CACNG3: variants seen among roughly 807,000 people sequenced by gnomAD.
CACNG3 encodes voltage-dependent calcium channel gamma-3 subunit.
Under a neutral mutation model 28.5 loss-of-function variants are expected in CACNG3, and 3 were observed. The ratio of observed to expected loss-of-function variants is 0.11; its 90% CI spans 0.05 to 0.27. The LOEUF (loss-of-function observed/expected upper bound fraction) is 0.27. Ranked by LOEUF, CACNG3 falls within the 10% of genes least tolerant of loss-of-function variation. The pLI is 1.00. For missense variants in CACNG3, 236 were observed against 414.4 expected (o/e 0.57, Z 3.74); for synonymous variants, 174 against 162.2 (o/e 1.07, Z -0.55).
intron 1 of CACNG3, among the ~76,000 whole-genome samples, chr16:24,341,327 T>C (rs1899784426): frequency 1.3e-5 from 2 of 152,226 alleles, no homozygotes; most frequent in Admixed American, 6.5e-5. Context: ...TGTGGAGTCT[T>C]CCTTGGGGAA....
intron 2 of CACNG3, among the ~76,000 whole-genome samples, chr16:24,351,504 G>T (rs1348690018): frequency 6.6e-6 from 1 of 151,176 alleles, no homozygotes; most frequent in Non-Finnish European, 1.5e-5. Flanking sequence ...CTCGGGTGGT[G>T]GAGGTTGCAG....
chr16:24,279,880 T>G (rs1898801139), intron 1 of CACNG3, among the ~76,000 whole-genome samples: 1 of 152,188 alleles, frequency 6.6e-6, no homozygotes, highest in Admixed American at 6.5e-5. Context: ...TTAAAAGTGT[T>G]GAGTTTGCAG....
At chr16:24,323,716 C>T (rs1235812473) in intron 1 of CACNG3, among the ~76,000 whole-genome samples, 4 of 152,168 alleles carry the variant, frequency 2.6e-5, no homozygotes, top group Non-Finnish European at 4.4e-5. Context: ...CCTGGAAGGG[C>T]AGAGGGAAGA....
At chr16:24,303,853 G>A (rs939360887) in intron 1 of CACNG3, among the ~76,000 whole-genome samples, 1 of 152,074 alleles carries the variant, frequency 6.6e-6, no homozygotes, top group Non-Finnish European at 1.5e-5. Context: ...GGGAGGCAGA[G>A]GTTGCAGTGA....
chr16:24,317,624 A>C (rs184244432), intron 1 of CACNG3, among the ~76,000 whole-genome samples: 2,458 of 56,280 alleles, frequency 0.044, 135 homozygotes, highest in South Asian at 0.12. Context: ...GAAAGAAAGA[A>C]AGACAGACAG....
At chr16:24,312,760 G>A (rs1213953737) in intron 1 of CACNG3, among the ~76,000 whole-genome samples, 1 of 151,768 alleles carries the variant, frequency 6.6e-6, no homozygotes, top group Non-Finnish European at 1.5e-5. Context: ...CAAGGCTGCA[G>A]TGAGCTATGA....
At chr16:24,287,269 G>A (rs1898906684) in intron 1 of CACNG3, among the ~76,000 whole-genome samples, 1 of 152,166 alleles carries the variant, frequency 6.6e-6, no homozygotes, top group Non-Finnish European at 1.5e-5. Context: ...TGTGATCCAA[G>A]CACTTTGGGA....
chr16:24,345,593 G>A (rs997028474), intron 1 of CACNG3, among the ~76,000 whole-genome samples: 4 of 152,166 alleles, frequency 2.6e-5, no homozygotes, highest in Non-Finnish European at 4.4e-5. Flanking sequence ...CCAGTTACTC[G>A]GGAGGCTGAG....
At chr16:24,257,946 T>C (rs1406770778) in intron 1 of CACNG3, among the ~76,000 whole-genome samples, 1 of 152,264 alleles carries the variant, frequency 6.6e-6, no homozygotes, top group African/African-American at 2.4e-5. Flanking sequence ...AATAGAAAGA[T>C]AAGGAAGAAA....
At chr16:24,346,635 C>A in intron 1 of CACNG3, 99 bp from the exon 2 acceptor site, 2 of 798,006 alleles carry the variant, frequency 2.5e-6, no homozygotes, top group Non-Finnish European at 2.1e-6. Flanking sequence ...CAGCCCCCAA[C>A]AACCAGAGAA....
intron 1 of CACNG3, among the ~76,000 whole-genome samples, chr16:24,267,326 T>C (rs1219475846): frequency 6.6e-6 from 1 of 152,088 alleles, no homozygotes; most frequent in Non-Finnish European, 1.5e-5. Flanking sequence ...CTTGCTCTAT[T>C]GCCCAGGCTG....
intron 1 of CACNG3, among the ~76,000 whole-genome samples, chr16:24,290,123 T>C (rs1297573886): frequency 6.6e-6 from 1 of 152,242 alleles, no homozygotes; most frequent in Admixed American, 6.5e-5. Context: ...CTAATTAACA[T>C]TTTGAATCAA....
intron 2 of CACNG3, among the ~76,000 whole-genome samples, chr16:24,347,444 T>C (rs1421385405): frequency 6.6e-6 from 1 of 152,180 alleles, no homozygotes; most frequent in East Asian, 1.9e-4. Context: ...TGAAAGGTTC[T>C]TTTTAGTCAG....
chr16:24,312,655 A>AT (rs766905115), intron 1 of CACNG3, among the ~76,000 whole-genome samples: 46 of 151,624 alleles, frequency 3.0e-4, no homozygotes, highest in Non-Finnish European at 5.3e-4. Flanking sequence ...GTCTCTTAAA[A>AT]ATTTTTTTTT....
At chr16:24,289,392 G>T (rs916337961) in intron 1 of CACNG3, among the ~76,000 whole-genome samples, 2 of 151,972 alleles carry the variant, frequency 1.3e-5, no homozygotes, top group Non-Finnish European at 2.9e-5. Context: ...TCTAAAAAAA[G>T]CACCTTAGCA....
In CACNG3 at chr16:24,361,300, A is replaced by T; in HGVS notation, c.437-52A>T. 1 of 1,313,180 alleles carries T rather than the reference A, an allele frequency of 7.6e-7. No individual in the cohort carries two copies. The highest frequency in any genetic ancestry group is 2.3e-5 in the East Asian group (1 of 42,986). 81.3% of individuals were successfully genotyped at this position (1,313,180 alleles called of 1,614,324 possible). A position where few individuals can be genotyped will look rare whatever the true frequency, so the allele number is the denominator to read the frequency against. On this transcript the variant is annotated intron_variant, in intron 3 of 3. Coordinates refer to ENST00000005284, the MANE Select transcript of CACNG3 (RefSeq NM_006539.4). The surrounding 1 kb of genome is among the most constrained non-coding windows in gnomAD (Gnocchi z 6.8). ...TAAATATTTTAAGATGGAAAGTGAC[A>T]GTTCTCTCCGAGGTGTATAAAGGAC...
chr16:24,331,337 C>G (rs1721768383), intron 1 of CACNG3, among the ~76,000 whole-genome samples: 1 of 152,184 alleles, frequency 6.6e-6, no homozygotes, highest in African/African-American at 2.4e-5. Flanking sequence ...GCCTATTCAT[C>G]ATGTGCAGAA....
chr16:24,344,634 T>C (rs1224065613), intron 1 of CACNG3, among the ~76,000 whole-genome samples: 1 of 152,196 alleles, frequency 6.6e-6, no homozygotes, highest in African/African-American at 2.4e-5. Flanking sequence ...TTTCTAAGAA[T>C]TTCCTTGAGT....
At chr16:24,332,930 G>A (rs1033213893) in intron 1 of CACNG3, among the ~76,000 whole-genome samples, 5 of 152,114 alleles carry the variant, frequency 3.3e-5, no homozygotes, top group Non-Finnish European at 5.9e-5. Flanking sequence ...TGTTAACCAC[G>A]GGTAGACAAG....
Sources: allele counts gnomAD v4.1 joint callset (sites outside exome capture counted in the v4.1 genomes callset), GRCh38; gene constraint gnomAD v4.1.1; non-coding constraint Gnocchi (gnomAD v3.1); transcripts MANE v1.5; gene names NCBI Gene and HGNC (gene_info 2026-07-23, HGNC 2026-07-21).